The following BRF1 variants were observed in gnomAD, a reference collection of about 807,000 sequenced individuals.
BRF1 encodes BRF1 general transcription factor IIIB subunit, also known as transcription factor IIIB 90 kDa subunit.
A neutral mutation model predicts 81.7 loss-of-function variants in BRF1; 59 were observed. That is an observed-to-expected ratio of 0.72 (90% CI 0.59 to 0.90). The LOEUF (loss-of-function observed/expected upper bound fraction) is 0.90. Ranked by LOEUF, BRF1 falls within the 40% of genes least tolerant of loss-of-function variation. BRF1 has a pLI of 0.00. For synonymous variants in BRF1, 491 were observed against 395.6 expected, an observed-to-expected ratio of 1.24 and a Z score of -2.86; for missense variants, 1,050 against 936.3, an observed-to-expected ratio of 1.12 and a Z score of -1.58.
At chr14:105,280,820 G>C (rs1397312818) in intron 2 of BRF1, among the ~76,000 whole-genome samples, 1 of 149,908 alleles carries the variant, frequency 6.7e-6, no homozygotes, top group Non-Finnish European at 1.5e-5. Flanking sequence ...CTTGAGCCCA[G>C]GTGTGCAGGT....
intron 1 of BRF1, among the ~76,000 whole-genome samples, chr14:105,294,276 A>G (rs2057642819): frequency 6.6e-6 from 1 of 152,190 alleles, no homozygotes. Flanking sequence ...CTCCCTCCAG[A>G]GAGTGTGCCT....
rs1432386704 is a variant in BRF1, at chr14:105,241,320, C to G, written c.639G>C (p.Arg213Ser). ...CTGTGTGCATCCAGTCCCGCTTCATCCTCTGTAGGAGCCTCAGGGCAGTCA... is the reference window on the plus strand; with the variant it reads ...CTGTGTGCATCCAGTCCCGCTTCATGCTCTGTAGGAGCCTCAGGGCAGTCA... ...VSMTALRLLQ[R>S]MKRDWMHTGR... The change falls in exon 6 of 18, where the codon AGG (arginine) becomes AGC (serine). Residue 213 changes from arginine (R) to serine (S), a missense_variant. Arg to Ser is a moderately radical substitution (Grantham distance 110). Transcript: ENST00000547530. 6.2e-7 allele frequency: 1 copy of G among 1,612,638 alleles called. No homozygotes were observed. The highest frequency in any genetic ancestry group is 8.5e-7 in the Non-Finnish European group (1 of 1,179,944).
intron 1 of BRF1, among the ~76,000 whole-genome samples, chr14:105,313,312 G>A (rs976536653): frequency 6.6e-6 from 1 of 152,200 alleles, no homozygotes; most frequent in Admixed American, 6.5e-5. Context: ...CTGGGGTATG[G>A]CTACCCCCTC....
chr14:105,263,422 G>T (rs898170457), intron 3 of BRF1, among the ~76,000 whole-genome samples: 3 of 151,986 alleles, frequency 2.0e-5, no homozygotes, highest in Admixed American at 2.0e-4. Context: ...GGCAGCTGCC[G>T]CCCCTGGAGC....
intron 1 of BRF1, 112 bp from the exon 2 acceptor site, chr14:105,286,488 G>T (rs374466915): frequency 1.8e-6 from 2 of 1,131,506 alleles, no homozygotes; most frequent in Non-Finnish European, 2.6e-6. Flanking sequence ...AGCACTCATG[G>T]GGGAAGCAGC....
chr14:105,226,429 C>T (rs908661048), intron 8 of BRF1, 139 bp from the exon 9 acceptor site: 2 of 1,447,626 alleles, frequency 1.4e-6, no homozygotes, highest in Admixed American at 1.9e-5. Context: ...AGCTATGGGC[C>T]TGTGTCCCCC....
intron 14 of BRF1, among the ~76,000 whole-genome samples, chr14:105,218,696 C>T (rs1400958201): frequency 6.6e-6 from 1 of 152,226 alleles, no homozygotes; most frequent in Non-Finnish European, 1.5e-5. Flanking sequence ...TTAACACAGG[C>T]AGGGACCCCA....
chr14:105,267,091 A>G (rs2056448901), intron 3 of BRF1, among the ~76,000 whole-genome samples: 1 of 152,208 alleles, frequency 6.6e-6, no homozygotes, highest in Non-Finnish European at 1.5e-5. Flanking sequence ...TGAGCAGCAG[A>G]CACAGTTGTG....
In BRF1 at chr14:105,289,659, G is replaced by A. The variant is rs587683160; in HGVS notation, c.185-3283C>T. ...TGTGTATTCTTTTTTTTTTTGAGAC[G>A]GAGTCTCGCTCTATCGCCCAGGCTG... On this transcript the variant is annotated intron_variant, in intron 1 of 17. Coordinates refer to ENST00000547530, the MANE Select transcript of BRF1 (RefSeq NM_001519.4). Among the ~76,000 whole-genome samples the A allele has an allele frequency of 9.2e-5, 14 of 151,818 alleles. No individual in the cohort carries two copies. In the East Asian group the frequency reaches 2.3e-3, roughly 25 times the overall value.
chr14:105,247,804 G>A, intron 5 of BRF1: 2 of 985,590 alleles, frequency 2.0e-6, no homozygotes, highest in Non-Finnish European at 2.4e-6. Context: ...AGCTTGGCAT[G>A]CACCAGCTGT....
chr14:105,215,685 GCA>G (rs1272646871), intron 15 of BRF1, among the ~76,000 whole-genome samples: 1 of 109,192 alleles, frequency 9.2e-6, no homozygotes, highest in Admixed American at 1.0e-4. Context: ...ACACACACAT[GCA>G]CACAAATACT....
chr14:105,287,827 A>T (rs1259676691), intron 1 of BRF1, among the ~76,000 whole-genome samples: 1 of 152,258 alleles, frequency 6.6e-6, no homozygotes, highest in East Asian at 1.9e-4. Flanking sequence ...CAGCCAAGAA[A>T]AGTTTTGAAG....
intron 3 of BRF1, among the ~76,000 whole-genome samples, chr14:105,266,061 ACT>A (rs976145436): frequency 5.9e-5 from 9 of 151,914 alleles, no homozygotes; most frequent in African/African-American, 1.5e-4. Flanking sequence ...AGGCAGTGAG[ACT>A]CTGTCTCAAA....
chr14:105,313,692 T>C (rs1356841108), intron 1 of BRF1, among the ~76,000 whole-genome samples: 1 of 152,230 alleles, frequency 6.6e-6, no homozygotes, highest in Non-Finnish European at 1.5e-5. Context: ...TGGATTTGTT[T>C]CAGTAAAACT....
At chr14:105,214,526 G>GTGGCCCACCCCTGCT in intron 15 of BRF1, among the ~76,000 whole-genome samples, 1 of 104,114 alleles carries the variant, frequency 9.6e-6, no homozygotes. Flanking sequence ...ACACCCCTGC[G>GTGGCCCACCCCTGCT]TGGCTCAGCT....
upstream of BRF1, among the ~76,000 whole-genome samples, chr14:105,303,931 T>C (rs971663723): frequency 2.6e-5 from 4 of 152,356 alleles, no homozygotes; most frequent in South Asian, 8.3e-4. Flanking sequence ...CCAAATCTCA[T>C]AGCCAGTAGG....
chr14:105,210,268 G>A lies in BRF1; in HGVS notation c.*283C>T. 2.1e-6 allele frequency: 1 copy of A among 476,518 alleles called. No homozygotes were observed. Among genetic ancestry groups the A allele is most frequent in the South Asian group, 2.2e-5 (1 of 44,776 alleles). 29.5% of individuals were successfully genotyped at this position (476,518 alleles called of 1,614,324 possible). A position where few individuals can be genotyped will look rare whatever the true frequency, so the allele number is the denominator to read the frequency against. ...GCAACACCACACTGCCAGCCTTGGAGGGTCCTTGGATGAGTCGACGGCAGG... is the reference window on the plus strand; with the variant it reads ...GCAACACCACACTGCCAGCCTTGGAAGGTCCTTGGATGAGTCGACGGCAGG... On this transcript the variant is annotated 3_prime_UTR_variant, in exon 18 of 18. Transcript: ENST00000547530. This position sits in a 1 kb window ranked among gnomAD's most constrained non-coding sequence, Gnocchi z 4.7.
At position 105,245,032 on chromosome 14, in the gene BRF1, G is replaced by A. The variant is rs146726651; in HGVS notation, c.545-3618C>T. Among the ~76,000 whole-genome samples the A allele has an allele frequency of 8.7e-4, 132 of 152,154 alleles. 3 individuals carry two copies. The East Asian group carries it at 0.02, about 24-fold the overall frequency. ...TAGAAATTAAAGTTCAATCCTTCAG[G>A]TAACTTTATTAACTCAAGCGCTTTG... On this transcript the variant is annotated intron_variant, in intron 5 of 17. Coordinates refer to ENST00000547530, the MANE Select transcript of BRF1 (RefSeq NM_001519.4).
At chr14:105,265,291 C>A (rs1049569527) in intron 3 of BRF1, among the ~76,000 whole-genome samples, 1 of 152,026 alleles carries the variant, frequency 6.6e-6, no homozygotes, top group African/African-American at 2.4e-5. Flanking sequence ...GTGATCCACC[C>A]ACCTCAGCCT....
Sources: gnomAD v4.1 joint callset for allele counts (sites outside exome capture counted in the v4.1 genomes callset) on GRCh38, gnomAD v4.1.1 for gene constraint, Gnocchi (gnomAD v3.1) non-coding constraint, MANE v1.5 for transcripts, NCBI Gene and HGNC (gene_info 2026-07-23, HGNC 2026-07-21) for gene names.